The following MEIS1 variants were observed in gnomAD, a reference collection of about 807,000 sequenced individuals.
MEIS1 encodes homeobox protein Meis1.
Under a neutral mutation model 50.8 loss-of-function variants are expected in MEIS1, and 5 were observed. The observed-to-expected ratio is 0.10, with a 90% CI of 0.05 to 0.21. MEIS1 has a LOEUF of 0.21. Among genes scored for constraint, MEIS1 ranks in the 10% least tolerant of loss-of-function variants. The probability of loss-of-function intolerance (pLI) is 1.00; values close to 1 mark genes in which losing one functional copy is unlikely to be tolerated. For missense variants in MEIS1, 318 were observed against 517.3 expected, an observed-to-expected ratio of 0.61 and a Z score of 3.74; for synonymous variants, 176 against 179.3, an observed-to-expected ratio of 0.98 and a Z score of 0.15.
intron 2 of MEIS1, 129 bp from the exon 3 acceptor site, chr2:66,439,714 A>G: frequency 6.4e-7 from 1 of 1,559,182 alleles, no homozygotes; most frequent in Non-Finnish European, 8.7e-7. Flanking sequence ...GGAAAAGGAA[A>G]AAAGTAGATG....
chr2:66,453,204 A>C (rs1672313789), intron 6 of MEIS1, among the ~76,000 whole-genome samples: 1 of 151,980 alleles, frequency 6.6e-6, no homozygotes, highest in African/African-American at 2.4e-5. Flanking sequence ...CAATAGAAAA[A>C]TAGGAGAACA....
At chr2:66,525,053 A>C (rs1674214091) in intron 8 of MEIS1, among the ~76,000 whole-genome samples, 1 of 152,100 alleles carries the variant, frequency 6.6e-6, no homozygotes, top group African/African-American at 2.4e-5. Context: ...GTCTCTACAA[A>C]AATACAAAAC....
intron 10 of MEIS1, 53 bp downstream of exon 10, chr2:66,567,564 A>T (rs1675378593): frequency 1.3e-6 from 2 of 1,569,076 alleles, no homozygotes; most frequent in Non-Finnish European, 8.8e-7. Context: ...AACCATCCTC[A>T]AGCCATTCAC....
At chr2:66,438,406 G>A (rs1036248392) in intron 2 of MEIS1, among the ~76,000 whole-genome samples, 23 of 152,250 alleles carry the variant, frequency 1.5e-4, no homozygotes, top group African/African-American at 5.3e-4. Flanking sequence ...TTACTCAGCA[G>A]CCTTATGCTG....
In MEIS1 at chr2:66,440,531, CCTCTCCCCTCT is replaced by C; in HGVS notation, c.382-29_382-19del. On this transcript the variant is annotated intron_variant, in intron 3 of 12. Transcript: ENST00000272369. The stretch of plus-strand genomic sequence containing the variant: ...TTTTCTTTCTTTTTTCTCTCCCCTC[CCTCTCCCCTCT>C]CCTTCTCACTTGTATTTAGATTCGC... 2 of 1,592,124 alleles carry C rather than the reference CCTCTCCCCTCT, an allele frequency of 1.3e-6. No homozygotes were observed. The highest frequency in any genetic ancestry group is 1.7e-6 in the Non-Finnish European group (2 of 1,162,018).
At chr2:66,567,705 G>T in intron 10 of MEIS1, 194 bp downstream of exon 10, 1 of 645,858 alleles carries the variant, frequency 1.5e-6, no homozygotes, top group Non-Finnish European at 2.8e-6. Flanking sequence ...GGAGAAGGTG[G>T]AAAAAAAAAG....
chr2:66,496,904 C>G (rs1461059512), intron 7 of MEIS1, among the ~76,000 whole-genome samples: 1 of 152,184 alleles, frequency 6.6e-6, no homozygotes, highest in Admixed American at 6.5e-5. Flanking sequence ...TTCTCTGGAT[C>G]TGTAAATACT....
At chr2:66,506,486 T>C (rs1673688110) in intron 7 of MEIS1, among the ~76,000 whole-genome samples, 1 of 152,082 alleles carries the variant, frequency 6.6e-6, no homozygotes, top group Non-Finnish European at 1.5e-5. Context: ...CCAGTGCGTA[T>C]GGGGACTTGG....
intron 8 of MEIS1, among the ~76,000 whole-genome samples, chr2:66,519,313 T>A (rs1285004998): frequency 1.3e-5 from 2 of 152,160 alleles, no homozygotes; most frequent in African/African-American, 4.8e-5. Flanking sequence ...TGATTGACGC[T>A]CCAAGGCAGT....
At chr2:66,536,732 G>A (rs1206183702) in intron 8 of MEIS1, among the ~76,000 whole-genome samples, 1 of 152,090 alleles carries the variant, frequency 6.6e-6, no homozygotes, top group Non-Finnish European at 1.5e-5. Flanking sequence ...CAGCTAAGTG[G>A]GTGGAAAATG....
chr2:66,539,670 G>A (rs981650161), intron 8 of MEIS1, among the ~76,000 whole-genome samples: 8 of 152,274 alleles, frequency 5.3e-5, no homozygotes, highest in African/African-American at 1.7e-4. Context: ...TTGGAACAGC[G>A]CCTGGCACAT....
At chr2:66,508,011 T>C (rs1441683008) in intron 7 of MEIS1, among the ~76,000 whole-genome samples, 2 of 152,234 alleles carry the variant, frequency 1.3e-5, no homozygotes, top group Admixed American at 6.5e-5. Flanking sequence ...CACTAGACCA[T>C]GGCCTATAAA....
chr2:66,516,573 A>C (rs1437418638), intron 8 of MEIS1, among the ~76,000 whole-genome samples: 2 of 140,264 alleles, frequency 1.4e-5, no homozygotes, highest in Admixed American at 1.4e-4. Flanking sequence ...CTAGCCTGGA[A>C]AATTTGTGTG....
intron 7 of MEIS1, among the ~76,000 whole-genome samples, chr2:66,470,545 C>A (rs972365646): frequency 6.6e-6 from 1 of 152,108 alleles, no homozygotes; most frequent in Admixed American, 6.6e-5. Context: ...CTTCTAGCAT[C>A]ATGAAATCAG....
chr2:66,501,287 C>T (rs1673548360), intron 7 of MEIS1, among the ~76,000 whole-genome samples: 1 of 152,098 alleles, frequency 6.6e-6, no homozygotes, highest in South Asian at 2.1e-4. Context: ...AGAAAATACT[C>T]TTTATTTCCT....
chr2:66,440,587 C>T lies in MEIS1; in HGVS notation c.407C>T (p.Ser136Phe). Residue 136 changes from serine (S) to phenylalanine (F), a missense_variant, in exon 4 of 13, where the codon TCT becomes TTT. Around this residue, in one of 6 missense-constraint regions of MEIS1, gnomAD observed 75 missense variants for 153.7 expected, o/e 0.49. Transcript: ENST00000272369. ...ATTCGCGCAGAAAAACCTCTATTTT[C>T]TTCTAATCCAGAACTGGATAACTTG... ...KQIRAEKPLFSSNPELDNLMI... is the reference protein window; with the variant it reads ...KQIRAEKPLFFSNPELDNLMI... 1 of 1,613,126 alleles carries T rather than the reference C, an allele frequency of 6.2e-7. No homozygotes were observed. Among genetic ancestry groups the T allele is most frequent in the Non-Finnish European group, 8.5e-7 (1 of 1,179,578 alleles).
At chr2:66,504,295 G>A (rs750716748) in intron 7 of MEIS1, among the ~76,000 whole-genome samples, 1 of 151,768 alleles carries the variant, frequency 6.6e-6, no homozygotes, top group South Asian at 2.1e-4. Context: ...GTGCAGTGAC[G>A]CGACCTCAGC....
At chr2:66,449,749 T>A (rs1672236200) in intron 6 of MEIS1, among the ~76,000 whole-genome samples, 1 of 152,214 alleles carries the variant, frequency 6.6e-6, no homozygotes, top group Non-Finnish European at 1.5e-5. Flanking sequence ...AACAATTTAC[T>A]AGACTTTCTT....
chr2:66,506,018 G>C (rs1385492480), intron 7 of MEIS1, among the ~76,000 whole-genome samples: 1 of 152,214 alleles, frequency 6.6e-6, no homozygotes, highest in Admixed American at 6.5e-5. Context: ...TCTTCCTACA[G>C]CGAAAAAGAT....
Sources: allele counts gnomAD v4.1 joint callset (sites outside exome capture counted in the v4.1 genomes callset), GRCh38; gene constraint gnomAD v4.1.1; regional missense constraint gnomAD v4.1.1; transcripts MANE v1.5; gene names NCBI Gene and HGNC (gene_info 2026-07-23, HGNC 2026-07-21).